The following CELF4 variants were observed in gnomAD, a reference collection of about 807,000 sequenced individuals.
CELF4 encodes the protein CUG-BP- and ETR-3-like factor 4.
CELF4 carries 18 observed loss-of-function variants against 59.9 expected under a neutral mutation model. The observed-to-expected ratio is 0.30, with a 90% CI of 0.21 to 0.45. The LOEUF (loss-of-function observed/expected upper bound fraction) is 0.45. CELF4 is among the 20% of genes least tolerant of loss of function. The probability of loss-of-function intolerance (pLI) is 1.00; values close to 1 mark genes in which losing one functional copy is unlikely to be tolerated. For synonymous variants in CELF4, 261 were observed against 267.1 expected (o/e 0.98, Z 0.22); for missense variants, 456 against 689.0 (o/e 0.66, Z 3.79).
intron 2 of CELF4, among the ~76,000 whole-genome samples, chr18:37,384,372 G>A (rs541132318): frequency 3.5e-3 from 527 of 152,276 alleles, no homozygotes; most frequent in Non-Finnish European, 6.0e-3. Flanking sequence ...TCTAGGGAGG[G>A]AGGCAGAGGG....
At chr18:37,473,433 T>A (rs1033410420) in intron 2 of CELF4, 1 of 152,152 alleles carries the variant, frequency 6.6e-6, no homozygotes, top group Non-Finnish European at 1.5e-5. Flanking sequence ...CTTCAATATT[T>A]AAGCCACACA....
chr18:37,253,737 C>A lies in CELF4; in HGVS notation c.*44+30G>T. The A allele has an allele frequency of 6.6e-7, 1 of 1,515,404 alleles. No homozygotes were observed. The highest frequency in any genetic ancestry group is 8.9e-7 in the Non-Finnish European group (1 of 1,123,962). 93.9% of individuals were successfully genotyped at this position (1,515,404 alleles called of 1,614,324 possible). A position where few individuals can be genotyped will look rare whatever the true frequency, so the allele number is the denominator to read the frequency against. ...GTCCGTCTGGTTCCCTCCCAACCCC[C>A]GTCCCCGCGCCCCGGCCGCCCCCGG... On this transcript the variant is annotated intron_variant, in intron 12 of 12. Transcript: ENST00000420428. The surrounding 1 kb of genome is among the most constrained non-coding windows in gnomAD (Gnocchi z 4.5).
intron 2 of CELF4, among the ~76,000 whole-genome samples, chr18:37,473,061 G>A (rs2099838419): frequency 1.3e-5 from 2 of 152,082 alleles, no homozygotes; most frequent in African/African-American, 4.8e-5. Context: ...GGACAGCCCA[G>A]GCCACTGGCA....
At chr18:37,481,169 T>C (rs2099866034) in intron 2 of CELF4, among the ~76,000 whole-genome samples, 1 of 152,138 alleles carries the variant, frequency 6.6e-6, no homozygotes, top group African/African-American at 2.4e-5. Context: ...TAGTTTGCTT[T>C]GTATTCTAGG....
chr18:37,271,821 T>TG (rs1467637599), intron 7 of CELF4, among the ~76,000 whole-genome samples: 1 of 152,204 alleles, frequency 6.6e-6, no homozygotes, highest in East Asian at 1.9e-4. Flanking sequence ...AGAATAAAGT[T>TG]GGGGTCAAAT....
At chr18:37,346,995 A>C (rs2098282243) in intron 2 of CELF4, among the ~76,000 whole-genome samples, 1 of 151,508 alleles carries the variant, frequency 6.6e-6, no homozygotes, top group South Asian at 2.1e-4. Flanking sequence ...GGGGAGTGGG[A>C]GAGTGAGGGC....
At chr18:37,266,725 G>A (rs1332690626) in intron 8 of CELF4, 127 bp from the exon 9 acceptor site, 1 of 834,230 alleles carries the variant, frequency 1.2e-6, no homozygotes, top group Admixed American at 2.6e-5. Flanking sequence ...CCTGGGGCAG[G>A]GCATCCGAGA....
intron 1 of CELF4, among the ~76,000 whole-genome samples, chr18:37,551,882 C>A (rs1194123769): frequency 6.6e-6 from 1 of 152,180 alleles, no homozygotes; most frequent in East Asian, 1.9e-4. Context: ...AGGCTGGCGG[C>A]AGGTCCAAAT....
intron 2 of CELF4, among the ~76,000 whole-genome samples, chr18:37,323,631 G>A (rs976181873): frequency 6.6e-5 from 10 of 152,092 alleles, no homozygotes; most frequent in Admixed American, 3.9e-4. Context: ...GGAATGCCCC[G>A]CCCTCCTAGC....
At chr18:37,373,425 A>G (rs1371626444) in intron 2 of CELF4, among the ~76,000 whole-genome samples, 2 of 152,178 alleles carry the variant, frequency 1.3e-5, no homozygotes, top group African/African-American at 4.8e-5. Flanking sequence ...GAGACCCTGG[A>G]CGGTGGGGCA....
At chr18:37,423,472 G>A (rs1461646702) in intron 2 of CELF4, among the ~76,000 whole-genome samples, 1 of 152,072 alleles carries the variant, frequency 6.6e-6, no homozygotes, top group Non-Finnish European at 1.5e-5. Context: ...GACATTGTTG[G>A]TAAAAGGAGG....
Position 37,253,722 on chromosome 18 carries a change from T to C in CELF4, c.*44+45A>G. ...CGGAGGAGGCGGCGGGTCCGTCTGGTTCCCTCCCAACCCCCGTCCCCGCGC... is the reference window on the plus strand; with the variant it reads ...CGGAGGAGGCGGCGGGTCCGTCTGGCTCCCTCCCAACCCCCGTCCCCGCGC... On this transcript the variant is annotated intron_variant, in intron 12 of 12. Coordinates refer to ENST00000420428, the MANE Select transcript of CELF4 (RefSeq NM_020180.4). The surrounding 1 kb of genome is among the most constrained non-coding windows in gnomAD (Gnocchi z 4.5). 2 of 1,453,272 alleles carry C rather than the reference T, an allele frequency of 1.4e-6. No homozygotes were observed. The highest frequency in any genetic ancestry group is 1.8e-6 in the Non-Finnish European group (2 of 1,082,758). 90.0% of individuals were successfully genotyped at this position (1,453,272 alleles called of 1,614,324 possible). A position where few individuals can be genotyped will look rare whatever the true frequency, so the allele number is the denominator to read the frequency against.
At chr18:37,357,990 G>C in intron 2 of CELF4, among the ~76,000 whole-genome samples, 1 of 152,324 alleles carries the variant, frequency 6.6e-6, no homozygotes, top group Middle Eastern at 3.4e-3. Context: ...GCTCACAGGC[G>C]AAAGGGACTT....
In CELF4 at chr18:37,485,606, G is replaced by A; in HGVS notation, c.288C>T (p.Gly96=). The change falls in exon 2 of 13, where the codon GGC becomes GGT. Residue 96 remains glycine (G), a splice_region_variant and synonymous_variant. Transcript: ENST00000420428. ...LKDRFTGMHK[G]CAFLTYCERE... ...GCTCGCAGTAGGTGAGGAAGGCGCA[G>A]CCTGGGGAGGAAAGCAAGCGCCAAG... 1 of 1,449,632 alleles carries A rather than the reference G, an allele frequency of 6.9e-7. No individual in the cohort carries two copies. The highest frequency in any genetic ancestry group is 9.2e-7 in the Non-Finnish European group (1 of 1,088,166). 89.8% of individuals were successfully genotyped at this position (1,449,632 alleles called of 1,614,324 possible). A position where few individuals can be genotyped will look rare whatever the true frequency, so the allele number is the denominator to read the frequency against.
intron 2 of CELF4, among the ~76,000 whole-genome samples, chr18:37,364,575 G>A (rs2098751817): frequency 6.6e-6 from 1 of 152,148 alleles, no homozygotes; most frequent in Non-Finnish European, 1.5e-5. Flanking sequence ...TTTCTCTTGG[G>A]GCTCCATCTC....
At chr18:37,483,224 T>G (rs2099873351) in intron 2 of CELF4, among the ~76,000 whole-genome samples, 1 of 152,232 alleles carries the variant, frequency 6.6e-6, no homozygotes, top group Non-Finnish European at 1.5e-5. Flanking sequence ...AGGTCTGCTT[T>G]CTGGAATCAA....
In CELF4 at chr18:37,270,305, AT is replaced by A. The variant is rs2090538141; in HGVS notation, c.1099+462del. 3.3e-5 allele frequency among the ~76,000 whole-genome samples: 5 copies of A among 152,314 alleles called. No homozygotes were observed. In the South Asian group the frequency reaches 1.0e-3, roughly 32 times the overall value. On this transcript the variant is annotated intron_variant, in intron 8 of 12. Coordinates refer to ENST00000420428, the MANE Select transcript of CELF4 (RefSeq NM_020180.4). Reference sequence around the variant, plus strand: ...ATCGCGCTTTTGTGTGCACCAAGGGATGGACTGGTCTGTACTAGACAGACTG... The same window carrying A: ...ATCGCGCTTTTGTGTGCACCAAGGGAGGACTGGTCTGTACTAGACAGACTG...
chr18:37,543,857 G>A (rs770218978), intron 1 of CELF4, among the ~76,000 whole-genome samples: 11 of 152,182 alleles, frequency 7.2e-5, no homozygotes, highest in African/African-American at 1.2e-4. Flanking sequence ...AGGCCGCTAC[G>A]TGGTCTGTGC....
At chr18:37,414,916 C>G (rs1468592148) in intron 2 of CELF4, among the ~76,000 whole-genome samples, 1 of 152,168 alleles carries the variant, frequency 6.6e-6, no homozygotes, top group Non-Finnish European at 1.5e-5. Context: ...ATCCATCTCC[C>G]CACTCATCCA....
Sources: allele counts gnomAD v4.1 joint callset (sites outside exome capture counted in the v4.1 genomes callset), GRCh38; gene constraint gnomAD v4.1.1; non-coding constraint Gnocchi (gnomAD v3.1); transcripts MANE v1.5; gene names NCBI Gene and HGNC (gene_info 2026-07-23, HGNC 2026-07-21).